The following IMMP2L variants were observed in gnomAD, a reference collection of about 807,000 sequenced individuals.
The protein encoded by IMMP2L is inner mitochondrial membrane peptidase subunit 2, also known as mitochondrial inner membrane protease subunit 2.
Under a neutral mutation model 19.3 loss-of-function variants are expected in IMMP2L, and 18 were observed. The observed-to-expected ratio is 0.93, with a 90% confidence interval of 0.64 to 1.38. IMMP2L has a LOEUF of 1.38. Ranked by LOEUF, IMMP2L falls within the 40% of genes most tolerant of loss-of-function variation. IMMP2L has a pLI of 0.00. For missense variants in IMMP2L, 233 were observed against 218.2 expected, an observed-to-expected ratio of 1.07 and a Z score of -0.43; for synonymous variants, 76 against 73.0, an observed-to-expected ratio of 1.04 and a Z score of -0.21.
chr7:111,304,520 A>C (rs1030226461), intron 3 of IMMP2L, among the ~76,000 whole-genome samples: 2 of 151,980 alleles, frequency 1.3e-5, no homozygotes, highest in African/African-American at 4.8e-5. Context: ...AAATGTGTAT[A>C]TATACATATA....
rs185626259 is a variant in IMMP2L at position 111,134,310 on chromosome 7, C to G, written c.240-170745G>C. On this transcript the variant is annotated intron_variant, in intron 3 of 5. Transcript: ENST00000405709. ...CTTCAGATAATATTTTTAAAATCTT[C>G]TCTATTATGTTTCCAATTGGAACGT... Among the ~76,000 whole-genome samples the G allele has an allele frequency of 5.4e-4, 82 of 152,012 alleles. 1 individual carries two copies. Among genetic ancestry groups the G allele is most frequent in the South Asian group, 1.7e-3 (8 of 4,820 alleles).
intron 5 of IMMP2L, among the ~76,000 whole-genome samples, chr7:110,796,302 G>C (rs1221828683): frequency 6.6e-6 from 1 of 151,926 alleles, no homozygotes; most frequent in African/African-American, 2.4e-5. Flanking sequence ...GCTCCACCTG[G>C]ATGCCAAGCT....
At chr7:110,783,349 A>G (rs1021301325) in intron 5 of IMMP2L, among the ~76,000 whole-genome samples, 4 of 151,868 alleles carry the variant, frequency 2.6e-5, no homozygotes, top group Non-Finnish European at 4.4e-5. Flanking sequence ...AGGTCAGCAA[A>G]AATAATTTAC....
intron 3 of IMMP2L, among the ~76,000 whole-genome samples, chr7:111,302,893 C>G (rs1822421818): frequency 6.6e-6 from 1 of 152,108 alleles, no homozygotes; most frequent in Non-Finnish European, 1.5e-5. Context: ...GGGGCTACCA[C>G]ATCCCTGGTT....
At chr7:111,179,328 A>T (rs964404262) in intron 3 of IMMP2L, among the ~76,000 whole-genome samples, 1 of 152,114 alleles carries the variant, frequency 6.6e-6, no homozygotes, top group African/African-American at 2.4e-5. Context: ...AGCTTTGAAT[A>T]TGGCCAACAC....
chr7:110,989,297 G>A (rs1021820231), intron 3 of IMMP2L, among the ~76,000 whole-genome samples: 3 of 151,938 alleles, frequency 2.0e-5, no homozygotes, highest in Admixed American at 2.0e-4. Context: ...AACATTTTAG[G>A]AGACCGAAGT....
chr7:110,942,486 G>A (rs1267797411), intron 4 of IMMP2L, among the ~76,000 whole-genome samples: 3 of 151,736 alleles, frequency 2.0e-5, no homozygotes, highest in Admixed American at 6.7e-5. Flanking sequence ...TGCTGTGTAC[G>A]CTTTAGAAAC....
chr7:111,028,142 T>C (rs1827052024), intron 3 of IMMP2L, among the ~76,000 whole-genome samples: 1 of 152,122 alleles, frequency 6.6e-6, no homozygotes, highest in Admixed American at 6.6e-5. Flanking sequence ...AGAATAATAG[T>C]ATAACAATTG....
intron 3 of IMMP2L, among the ~76,000 whole-genome samples, chr7:110,970,627 C>T (rs1820048259): frequency 6.6e-6 from 1 of 152,056 alleles, no homozygotes; most frequent in Non-Finnish European, 1.5e-5. Context: ...CATAAATTTA[C>T]ATACTGACTA....
At chr7:111,553,981 T>C (rs949995944) in intron 1 of IMMP2L, among the ~76,000 whole-genome samples, 3 of 152,198 alleles carry the variant, frequency 2.0e-5, no homozygotes, top group African/African-American at 7.2e-5. Context: ...TTTTCAATGA[T>C]GGCCTTAGAG....
intron 3 of IMMP2L, among the ~76,000 whole-genome samples, chr7:111,144,476 T>C (rs1287635132): frequency 6.6e-6 from 1 of 152,168 alleles, no homozygotes; most frequent in Admixed American, 6.6e-5. Context: ...CTGATCATAA[T>C]GCTCATTGGT....
At chr7:111,528,447 A>C (rs1847090612) in intron 1 of IMMP2L, among the ~76,000 whole-genome samples, 1 of 152,220 alleles carries the variant, frequency 6.6e-6, no homozygotes, top group South Asian at 2.1e-4. Context: ...TTCATTGTTG[A>C]AGTGCTTAAA....
chr7:111,444,855 G>T (rs546858117), intron 3 of IMMP2L, among the ~76,000 whole-genome samples: 1 of 152,184 alleles, frequency 6.6e-6, no homozygotes, highest in African/African-American at 2.4e-5. Flanking sequence ...ATTACAGTAG[G>T]AAGGTCTGTC....
At chr7:111,409,154 ATTGATTACACAAACT>A (rs1834151536) in intron 3 of IMMP2L, among the ~76,000 whole-genome samples, 1 of 151,744 alleles carries the variant, frequency 6.6e-6, no homozygotes, top group African/African-American at 2.4e-5. Context: ...GTTTTTGTGT[ATTGATTACACAAACT>A]AGTAATATTT....
chr7:110,948,240 T>C (rs62464030), intron 4 of IMMP2L, among the ~76,000 whole-genome samples: 2 of 152,036 alleles, frequency 1.3e-5, no homozygotes, highest in African/African-American at 2.4e-5. Flanking sequence ...TCCAACTCTA[T>C]AAAACAGCAA....
At chr7:111,367,150 T>C (rs761298835) in intron 3 of IMMP2L, among the ~76,000 whole-genome samples, 22 of 151,716 alleles carry the variant, frequency 1.5e-4, no homozygotes, top group Admixed American at 5.9e-4. Context: ...CCTCTTATTG[T>C]TATGCTTTAT....
At chr7:111,107,205 C>A (rs183456106) in intron 3 of IMMP2L, among the ~76,000 whole-genome samples, 2 of 151,966 alleles carry the variant, frequency 1.3e-5, no homozygotes, top group Admixed American at 1.3e-4. Flanking sequence ...CTTCTTCCTT[C>A]TCTCTTTCCT....
At chr7:111,249,992 T>G (rs1052076237) in intron 3 of IMMP2L, among the ~76,000 whole-genome samples, 3 of 152,168 alleles carry the variant, frequency 2.0e-5, no homozygotes, top group African/African-American at 7.2e-5. Context: ...GACATAATCC[T>G]GTATCTAGAA....
At position 111,515,186 on chromosome 7, in the gene IMMP2L, G is replaced by T. The variant is rs373595526; in HGVS notation, c.135+6127C>A. On this transcript the variant is annotated intron_variant, in intron 2 of 5. Coordinates refer to ENST00000405709, the MANE Select transcript of IMMP2L (RefSeq NM_032549.4). Reference sequence around the variant, plus strand: ...TGGTTGCAAGCTGCATGTGCCCAGGGAATTTGGTGCCTGAGGCTGCTCTAA... The same window carrying T: ...TGGTTGCAAGCTGCATGTGCCCAGGTAATTTGGTGCCTGAGGCTGCTCTAA... Among the ~76,000 whole-genome samples, 85 of 152,182 alleles carry T rather than the reference G, an allele frequency of 5.6e-4. 2 individuals carry two copies. Among genetic ancestry groups the T allele is most frequent in the African/African-American group, 1.9e-3 (79 of 41,524 alleles).
Sources: allele counts gnomAD v4.1 joint callset (sites outside exome capture counted in the v4.1 genomes callset), GRCh38; gene constraint gnomAD v4.1.1; transcripts MANE v1.5; gene names NCBI Gene and HGNC (gene_info 2026-07-23, HGNC 2026-07-21).